The following SWT1 variants were observed in gnomAD, a reference collection of about 807,000 sequenced individuals.
SWT1 encodes the protein transcriptional protein SWT1.
Under a neutral mutation model 107.3 loss-of-function variants are expected in SWT1, and 33 were observed. That is an observed-to-expected ratio of 0.31 (90% CI 0.23 to 0.41). SWT1 has a LOEUF of 0.41. Among genes scored for constraint, SWT1 ranks in the 10% least tolerant of loss-of-function variants. The pLI is 1.00. For synonymous variants in SWT1, 345 were observed against 348.3 expected (o/e 0.99, Z 0.11); for missense variants, 898 against 1,028.9 (o/e 0.87, Z 1.74).
chr1:185,214,457 G>T, intron 13 of SWT1, 50 bp from the exon 14 acceptor site: 1 of 1,423,438 alleles, frequency 7.0e-7, no homozygotes, highest in Non-Finnish European at 9.6e-7. Context: ...ACATTTTTAT[G>T]ATGTATACTC....
rs181061924 is a variant in SWT1 at position 185,268,892 on chromosome 1, G to A, written c.2442-2431G>A. On this transcript the variant is annotated intron_variant, in intron 16 of 18. Coordinates refer to ENST00000367500, the MANE Select transcript of SWT1 (RefSeq NM_017673.7). ...TTTTGAGACGGAGTGTCGCTCTTTT[G>A]CCCAGGCTTGAGTGCAGTGGCGCGA... Among the ~76,000 whole-genome samples, 27 of 106,446 alleles carry A rather than the reference G, an allele frequency of 2.5e-4. No homozygotes were observed. The East Asian group carries it at 3.7e-3, about 15-fold the overall frequency. 69.8% of individuals were successfully genotyped at this position (106,446 alleles called of 152,430 possible). A position where few individuals can be genotyped will look rare whatever the true frequency, so the allele number is the denominator to read the frequency against.
intron 13 of SWT1, among the ~76,000 whole-genome samples, chr1:185,207,533 A>G (rs1658432827): frequency 6.6e-6 from 1 of 152,244 alleles, no homozygotes; most frequent in African/African-American, 2.4e-5. Flanking sequence ...TAAAGCCTAT[A>G]TTTTATGATC....
In SWT1 at chr1:185,175,165, A is replaced by G. The variant is rs747275449; in HGVS notation, c.966+52A>G. 8 of 1,272,306 alleles carry G rather than the reference A, an allele frequency of 6.3e-6. No individual in the cohort carries two copies. The African/African-American group carries it at 7.8e-5, about 12-fold the overall frequency. The allele number at this position is 1,272,306 out of a possible 1,614,324, so 78.8% of individuals were successfully genotyped here. On this transcript the variant is annotated intron_variant, in intron 5 of 18. Transcript: ENST00000367500. ...AGGTTTTAACTGAGAGTTTATTAAT[A>G]TAGTTAAGTTTTTTCTGTATTTCTA...
At chr1:185,288,243 T>C (rs1011085151) in intron 18 of SWT1, among the ~76,000 whole-genome samples, 3 of 152,050 alleles carry the variant, frequency 2.0e-5, no homozygotes, top group Non-Finnish European at 4.4e-5. Context: ...CAGATTTAAA[T>C]TTTTTTTATT....
intron 9 of SWT1, among the ~76,000 whole-genome samples, chr1:185,186,596 T>A (rs1049892552): frequency 6.6e-6 from 1 of 152,118 alleles, no homozygotes; most frequent in African/African-American, 2.4e-5. Context: ...CATATAACGT[T>A]AAATAAAAAC....
At chr1:185,228,167 G>GTATGTA (rs1157576166) in intron 15 of SWT1, among the ~76,000 whole-genome samples, 2 of 61,570 alleles carry the variant, frequency 3.2e-5, no homozygotes, top group East Asian at 6.2e-4. Flanking sequence ...AAAAAAAAAT[G>GTATGTA]TGTATATATA....
At chr1:185,255,085 G>C (rs1422453639) in intron 16 of SWT1, among the ~76,000 whole-genome samples, 1 of 151,834 alleles carries the variant, frequency 6.6e-6, no homozygotes. Flanking sequence ...TGTAGTTGAG[G>C]GGTTTTGAGT....
intron 2 of SWT1, among the ~76,000 whole-genome samples, chr1:185,161,154 C>A (rs1654112327): frequency 2.0e-5 from 3 of 152,156 alleles, no homozygotes; most frequent in Admixed American, 2.0e-4. Flanking sequence ...GAAACTGAGG[C>A]TTAGAGAGTA....
chr1:185,256,256 G>A (rs1203187720), intron 16 of SWT1, among the ~76,000 whole-genome samples: 1 of 150,902 alleles, frequency 6.6e-6, no homozygotes, highest in South Asian at 2.1e-4. Context: ...ACAATTATGT[G>A]TCTTGGAGTT....
At chr1:185,210,195 T>G (rs1162987990) in intron 13 of SWT1, among the ~76,000 whole-genome samples, 1 of 152,228 alleles carries the variant, frequency 6.6e-6, no homozygotes, top group African/African-American at 2.4e-5. Context: ...GATGATAGTT[T>G]CTTTTGTTGT....
chr1:185,268,408 G>A (rs772928282), intron 16 of SWT1, among the ~76,000 whole-genome samples: 11 of 152,188 alleles, frequency 7.2e-5, no homozygotes, highest in Non-Finnish European at 1.3e-4. Flanking sequence ...GAGATGGCCA[G>A]ACGGACAAGA....
chr1:185,213,986 A>G (rs912531993), intron 13 of SWT1, among the ~76,000 whole-genome samples: 3 of 152,176 alleles, frequency 2.0e-5, no homozygotes, highest in South Asian at 2.1e-4. Flanking sequence ...GTTGTGTTGT[A>G]CATATAGAGA....
At chr1:185,196,634 A>G (rs975013050) in intron 10 of SWT1, among the ~76,000 whole-genome samples, 2 of 152,224 alleles carry the variant, frequency 1.3e-5, no homozygotes, top group Admixed American at 1.3e-4. Flanking sequence ...ATGTTTTTCC[A>G]TTTGTTTGTG....
At chr1:185,235,731 G>A (rs537819243) in intron 16 of SWT1, among the ~76,000 whole-genome samples, 1 of 151,886 alleles carries the variant, frequency 6.6e-6, no homozygotes, top group Non-Finnish European at 1.5e-5. Flanking sequence ...AGAAATAAAG[G>A]GTATTCAAAT....
intron 13 of SWT1, among the ~76,000 whole-genome samples, chr1:185,212,254 T>G (rs1365467450): frequency 6.6e-6 from 1 of 152,102 alleles, no homozygotes; most frequent in Non-Finnish European, 1.5e-5. Context: ...TTTTCATATC[T>G]TTTACCTGGG....
chr1:185,173,257 AG>A (rs1384000058), intron 4 of SWT1, among the ~76,000 whole-genome samples: 1 of 152,100 alleles, frequency 6.6e-6, no homozygotes, highest in Admixed American at 6.5e-5. Context: ...GCTAGAAGTT[AG>A]TACATCTAAC....
At chr1:185,282,437 A>G (rs1664690850) in intron 18 of SWT1, among the ~76,000 whole-genome samples, 1 of 151,776 alleles carries the variant, frequency 6.6e-6, no homozygotes, top group African/African-American at 2.4e-5. Context: ...GGACCCATGT[A>G]GCTTCTTGGG....
intron 7 of SWT1, among the ~76,000 whole-genome samples, chr1:185,183,554 A>G (rs1177278065): frequency 6.6e-6 from 1 of 152,204 alleles, no homozygotes; most frequent in Non-Finnish European, 1.5e-5. Context: ...AAGTGCTGGG[A>G]TTACAGGCGT....
chr1:185,171,602 A>G (rs1655066578), intron 4 of SWT1: 4 of 499,324 alleles, frequency 8.0e-6, no homozygotes, highest in African/African-American at 4.0e-5. Flanking sequence ...CAAAATTGGC[A>G]GCATCCATGA....
Sources: allele counts gnomAD v4.1 joint callset (sites outside exome capture counted in the v4.1 genomes callset), GRCh38; gene constraint gnomAD v4.1.1; transcripts MANE v1.5; gene names NCBI Gene and HGNC (gene_info 2026-07-23, HGNC 2026-07-21).